The following GAB2 variants were observed in gnomAD, a reference collection of about 807,000 sequenced individuals.
The protein encoded by GAB2 is GRB2 associated binding protein 2.
GAB2 carries 26 observed loss-of-function variants against 65.5 expected under a neutral mutation model. The observed-to-expected ratio is 0.40, with a 90% CI of 0.29 to 0.55. The LOEUF (loss-of-function observed/expected upper bound fraction) is 0.55. Among genes scored for constraint, GAB2 ranks in the 20% least tolerant of loss-of-function variants. The pLI, the probability that GAB2 is intolerant of heterozygous loss-of-function variation, is 0.53. For synonymous variants in GAB2, 321 were observed against 329.6 expected (o/e 0.97, Z 0.28); for missense variants, 884 against 875.8 (o/e 1.01, Z -0.12).
intron 1 of GAB2, among the ~76,000 whole-genome samples, chr11:78,289,091 G>A (rs547190993): frequency 2.0e-5 from 3 of 152,280 alleles, no homozygotes; most frequent in South Asian, 2.1e-4. Context: ...TTTCACAAAC[G>A]TGTAAAAGCA....
intron 1 of GAB2, among the ~76,000 whole-genome samples, chr11:78,370,746 T>TGC (rs1856562015): frequency 6.6e-6 from 1 of 151,700 alleles, no homozygotes; most frequent in African/African-American, 2.4e-5. Context: ...TGTGTGTGTG[T>TGC]AAGGGGTAAA....
At chr11:78,299,299 A>G (rs948379595) in intron 1 of GAB2, among the ~76,000 whole-genome samples, 1 of 152,148 alleles carries the variant, frequency 6.6e-6, no homozygotes, top group African/African-American at 2.4e-5. Flanking sequence ...TTCCTCATCT[A>G]TAACGTACAA....
At chr11:78,378,798 C>T (rs1856663859) in intron 1 of GAB2, among the ~76,000 whole-genome samples, 1 of 152,124 alleles carries the variant, frequency 6.6e-6, no homozygotes, top group Non-Finnish European at 1.5e-5. Flanking sequence ...ATAGACACTT[C>T]TTATATTTAA....
At chr11:78,309,971 T>TGTGTGTGTGTGTGCGCGC (rs1421836447) in intron 1 of GAB2, among the ~76,000 whole-genome samples, 25 of 120,192 alleles carry the variant, frequency 2.1e-4, no homozygotes, top group African/African-American at 8.2e-4. Context: ...TGTGTGTGTG[T>TGTGTGTGTGTGTGCGCGC]GCGCGCGCGC....
chr11:78,248,753 G>A (rs998381499), intron 3 of GAB2, among the ~76,000 whole-genome samples: 8 of 152,074 alleles, frequency 5.3e-5, no homozygotes, highest in African/African-American at 1.9e-4. Flanking sequence ...TAAATAATTG[G>A]CCCAAGATCA....
At chr11:78,221,846 G>T in intron 7 of GAB2, 67 bp from the exon 8 acceptor site, 1 of 1,131,318 alleles carries the variant, frequency 8.8e-7, no homozygotes, top group Non-Finnish European at 1.3e-6. Flanking sequence ...CTAGCCTCCA[G>T]CTGGGCCCTG....
At chr11:78,298,061 A>G (rs928425843) in intron 1 of GAB2, among the ~76,000 whole-genome samples, 2 of 152,182 alleles carry the variant, frequency 1.3e-5, no homozygotes, top group African/African-American at 4.8e-5. Flanking sequence ...AAATTTTTCC[A>G]TATTTAAAAT....
intron 1 of GAB2, among the ~76,000 whole-genome samples, chr11:78,292,879 T>G (rs1320240041): frequency 6.6e-6 from 1 of 152,128 alleles, no homozygotes; most frequent in Non-Finnish European, 1.5e-5. Flanking sequence ...TGCTGCAAGG[T>G]AAATAGGATC....
intron 2 of GAB2, among the ~76,000 whole-genome samples, chr11:78,278,659 G>A (rs185459290): frequency 5.9e-4 from 90 of 151,920 alleles, no homozygotes; most frequent in Admixed American, 7.9e-4. Context: ...GATTACAGGC[G>A]TGAAACACTG....
chr11:78,412,874 G>A (rs1344155593), intron 1 of GAB2, among the ~76,000 whole-genome samples: 1 of 152,278 alleles, frequency 6.6e-6, no homozygotes, highest in Middle Eastern at 3.4e-3. Flanking sequence ...TCAACAGATG[G>A]CTACTAAAAT....
intron 3 of GAB2, among the ~76,000 whole-genome samples, chr11:78,229,917 C>T (rs1864790869): frequency 6.6e-6 from 1 of 152,196 alleles, no homozygotes; most frequent in Admixed American, 6.5e-5. Context: ...TTTTTTAAGG[C>T]CATTCTTACA....
At chr11:78,285,828 CCTCAGTGACAA>C (rs1162684771) in intron 1 of GAB2, among the ~76,000 whole-genome samples, 1 of 152,202 alleles carries the variant, frequency 6.6e-6, no homozygotes, top group African/African-American at 2.4e-5. Flanking sequence ...AAGTGTCTGG[CCTCAGTGACAA>C]CTTCCCTGAT....
At chr11:78,331,174 CAA>C in intron 1 of GAB2, among the ~76,000 whole-genome samples, 1 of 151,042 alleles carries the variant, frequency 6.6e-6, no homozygotes, top group South Asian at 2.1e-4. Context: ...GACACCGTCT[CAA>C]AAAATAAATA....
chr11:78,236,660 A>C (rs1864990151), intron 3 of GAB2, among the ~76,000 whole-genome samples: 1 of 152,136 alleles, frequency 6.6e-6, no homozygotes, highest in African/African-American at 2.4e-5. Context: ...TTTGCTAAGA[A>C]ATACTTTTTT....
intron 1 of GAB2, among the ~76,000 whole-genome samples, chr11:78,355,068 A>G (rs1011209133): frequency 6.6e-6 from 1 of 152,244 alleles, no homozygotes; most frequent in Admixed American, 6.5e-5. Context: ...AACAGAGACC[A>G]CAGACGTGGA....
At chr11:78,371,616 T>C (rs1349282859) in intron 1 of GAB2, among the ~76,000 whole-genome samples, 1 of 152,222 alleles carries the variant, frequency 6.6e-6, no homozygotes, top group Admixed American at 6.5e-5. Flanking sequence ...TCCATGAGGA[T>C]GGGATTATTT....
intron 6 of GAB2, among the ~76,000 whole-genome samples, chr11:78,222,525 ATATT>A (rs1379190849): frequency 1.3e-4 from 19 of 148,272 alleles, no homozygotes; most frequent in African/African-American, 3.9e-4. Context: ...TATATAAAAT[ATATT>A]TATATATTAA....
intron 1 of GAB2, among the ~76,000 whole-genome samples, chr11:78,362,533 A>C (rs1856447650): frequency 6.6e-6 from 1 of 152,196 alleles, no homozygotes; most frequent in Admixed American, 6.5e-5. Context: ...AAGGTACAAC[A>C]CTACACGGTT....
At chr11:78,290,716 T>C (rs1368043361) in intron 1 of GAB2, among the ~76,000 whole-genome samples, 4 of 152,204 alleles carry the variant, frequency 2.6e-5, no homozygotes, top group African/African-American at 4.8e-5. Context: ...GCCGCCAATA[T>C]GTGGAAGAGC....
Sources: gnomAD v4.1 joint callset for allele counts (sites outside exome capture counted in the v4.1 genomes callset) on GRCh38, gnomAD v4.1.1 for gene constraint, MANE v1.5 for transcripts, NCBI Gene and HGNC (gene_info 2026-07-23, HGNC 2026-07-21) for gene names.